BCLAF3: variants seen among roughly 807,000 people sequenced by gnomAD.
BCLAF3 encodes the protein BCLAF1 and THRAP3 family member 3.
A neutral mutation model predicts 51.2 loss-of-function variants in BCLAF3; 24 were observed. The ratio of observed to expected loss-of-function variants is 0.47; its 90% confidence interval spans 0.34 to 0.66. The LOEUF is 0.66. Among genes scored for constraint, BCLAF3 ranks in the 30% least tolerant of loss-of-function variants. The probability of loss-of-function intolerance (pLI) is 0.01; values close to 1 mark genes in which losing one functional copy is unlikely to be tolerated. For synonymous variants in BCLAF3, 152 were observed against 176.6 expected (o/e 0.86, Z 1.10); for missense variants, 465 against 525.1 (o/e 0.89, Z 1.12).
At position 19,965,468 on chromosome X, in the gene BCLAF3, T is replaced by C; in HGVS notation, c.850A>G (p.Lys284Glu). The C allele has an allele frequency of 8.3e-7, 1 of 1,211,816 alleles. No homozygotes were observed. The highest frequency in any genetic ancestry group is 1.8e-5 in the South Asian group (1 of 56,945). The change falls in exon 4 of 12, where the codon AAA becomes GAA. Residue 284 changes from lysine (K) to glutamate (E), a missense_variant. By Grantham distance (56) the Lys-to-Glu change is moderately conservative (BLOSUM62 1). Transcript: ENST00000379682. ...ATKVSYDYRH[K>E]RPKLLDGDQD... ...TCCCCATCCAAGAGCTTAGGACGTT[T>C]GTGACGATAGTCATAGGATACTTTG...
rs780063741 is a variant in BCLAF3 at position 19,949,667 on chromosome X, G to A, written c.1745+1086C>T. Among the ~76,000 whole-genome samples the A allele has an allele frequency of 1.1e-4, 12 of 112,166 alleles. No homozygotes were observed. The South Asian group carries it at 1.1e-3, about 10-fold the overall frequency. On this transcript the variant is annotated intron_variant, in intron 8 of 11. Coordinates refer to ENST00000379682, the MANE Select transcript of BCLAF3 (RefSeq NM_001367774.2). ...ATACCTCAACACATCGTTTCACTATGTTTTAATTAGTTCTGAATTTATTGT... is the reference window on the plus strand; with the variant it reads ...ATACCTCAACACATCGTTTCACTATATTTTAATTAGTTCTGAATTTATTGT...
At chrX:19,945,867 C>T (rs763146652) in intron 8 of BCLAF3, among the ~76,000 whole-genome samples, 2,649 of 105,605 alleles carry the variant, frequency 0.025, 57 homozygotes, top group African/African-American at 0.057. Flanking sequence ...GCGCCCCTCC[C>T]CCAGCCTCGC....
Position 19,916,671 on chromosome X carries a change from T to C in BCLAF3, c.*634A>G, listed in dbSNP as rs1263417507. On this transcript the variant is annotated 3_prime_UTR_variant, in exon 12 of 12. Transcript: ENST00000379682. ...CATTTTGAAATTGGAAAAGAGCAAATAGTTGTGGAAAAAAACTGAATGAAC... is the reference window on the plus strand; with the variant it reads ...CATTTTGAAATTGGAAAAGAGCAAACAGTTGTGGAAAAAAACTGAATGAAC... The C allele has an allele frequency of 8.9e-6, 1 of 112,435 alleles. No individual in the cohort carries two copies. The highest frequency in any genetic ancestry group is 9.5e-5 in the Admixed American group (1 of 10,494). 9.3% of individuals were successfully genotyped at this position (112,435 alleles called of 1,213,427 possible).
intron 4 of BCLAF3, among the ~76,000 whole-genome samples, chrX:19,963,998 T>C (rs2071953699): frequency 8.9e-6 from 1 of 111,997 alleles, no homozygotes; most frequent in Non-Finnish European, 1.9e-5. Context: ...CACTCCAGCC[T>C]GGGCAGCAGA....
intron 11 of BCLAF3, among the ~76,000 whole-genome samples, chrX:19,926,069 C>T (rs2070345265): frequency 9.0e-6 from 1 of 111,654 alleles, no homozygotes; most frequent in Admixed American, 9.6e-5. Context: ...CTTGCAGGCA[C>T]TGACAGTAGC....
Position 19,953,910 on chromosome X carries a change from G to C in BCLAF3, c.1451-18C>G. The C allele has an allele frequency of 1.7e-6, 2 of 1,199,177 alleles. No individual in the cohort carries two copies. Among genetic ancestry groups the C allele is most frequent in the Non-Finnish European group, 2.3e-6 (2 of 887,484 alleles). On this transcript the variant is annotated intron_variant, in intron 5 of 11. Coordinates refer to ENST00000379682, the MANE Select transcript of BCLAF3 (RefSeq NM_001367774.2). ...ATAATTTGCTGAAAAAGGAAATGAA[G>C]AGTTTTATCTCAATGTTAAGCTGAT...
In BCLAF3 at chrX:19,965,372, C is replaced by T. The variant is rs183177086; in HGVS notation, c.946G>A (p.Gly316Ser). The change falls in exon 4 of 12, where the codon GGC becomes AGC. Residue 316 changes from glycine (G) to serine (S), a missense_variant. By Grantham distance (56) the Gly-to-Ser change is moderately conservative. Transcript: ENST00000379682. Reference protein sequence around the residue: ...EEDRKYSFQKGPLNRELDCFN... With the variant: ...EEDRKYSFQKSPLNRELDCFN... ...CAATCTAACTCTCTATTTAGAGGGC[C>T]TTTTTGAAAACTATATTTTCTATCT... 131 of 1,209,538 alleles carry T rather than the reference C, an allele frequency of 1.1e-4. No homozygotes were observed. The African/African-American group carries it at 1.7e-3, about 16-fold the overall frequency.
intron 4 of BCLAF3, among the ~76,000 whole-genome samples, chrX:19,958,051 G>A (rs2071726353): frequency 9.0e-6 from 1 of 111,608 alleles, no homozygotes; most frequent in Non-Finnish European, 1.9e-5. Flanking sequence ...CATTTGAGAT[G>A]CATTTTAGAC....
intron 10 of BCLAF3, among the ~76,000 whole-genome samples, chrX:19,931,670 T>C (rs751975019): frequency 6.5e-4 from 73 of 112,069 alleles, no homozygotes; most frequent in African/African-American, 2.4e-3. Flanking sequence ...AGGAAAGACT[T>C]TGGTGACCCA....
chrX:19,972,658 C>T (rs909276440), intron 1 of BCLAF3, among the ~76,000 whole-genome samples: 2 of 111,439 alleles, frequency 1.8e-5, no homozygotes, highest in East Asian at 5.6e-4. Context: ...CCCACTTCTC[C>T]CCTCCCCTGC....
chrX:19,928,459 T>C (rs920226719), intron 11 of BCLAF3, among the ~76,000 whole-genome samples: 1 of 109,461 alleles, frequency 9.1e-6, no homozygotes, highest in Non-Finnish European at 1.9e-5. Context: ...GGCAGGCGCC[T>C]GTAATACCAG....
At chrX:19,987,757 G>A (rs1418557041) in intron 1 of BCLAF3, among the ~76,000 whole-genome samples, 2 of 112,325 alleles carry the variant, frequency 1.8e-5, no homozygotes, top group South Asian at 3.7e-4. Context: ...TAAGAATGAT[G>A]ACATGAGTAC....
At chrX:19,946,676 G>A (rs892109601) in intron 8 of BCLAF3, among the ~76,000 whole-genome samples, 1 of 111,334 alleles carries the variant, frequency 9.0e-6, no homozygotes, top group Admixed American at 9.6e-5. Context: ...AAAGCCCTTC[G>A]TGATTGGCCT....
At chrX:19,960,875 A>G (rs1311721446) in intron 4 of BCLAF3, among the ~76,000 whole-genome samples, 5 of 112,088 alleles carry the variant, frequency 4.5e-5, no homozygotes, top group Non-Finnish European at 9.4e-5. Context: ...GAAATAAAGG[A>G]TTAGACACAA....
chrX:19,959,563 A>C (rs1240360495), intron 4 of BCLAF3, among the ~76,000 whole-genome samples: 1 of 109,599 alleles, frequency 9.1e-6, no homozygotes, highest in Non-Finnish European at 1.9e-5. Context: ...GCTTGAGCTC[A>C]GGAGTTCAAG....
At chrX:19,980,977 T>A (rs1435729706) in intron 1 of BCLAF3, among the ~76,000 whole-genome samples, 4 of 104,537 alleles carry the variant, frequency 3.8e-5, no homozygotes, top group Admixed American at 3.1e-4. Context: ...TGTGATAGAG[T>A]TAAAAAAAGA....
In BCLAF3 at chrX:19,914,965, G is replaced by C. The variant is rs887942261; in HGVS notation, c.*2340C>G. The C allele has an allele frequency of 9.0e-6, 1 of 111,317 alleles. No individual in the cohort carries two copies. The highest frequency in any genetic ancestry group is 1.9e-5 in the Non-Finnish European group (1 of 53,115). The allele number at this position is 111,317 out of a possible 1,213,427, so 9.2% of individuals were successfully genotyped here. A position where few individuals can be genotyped will look rare whatever the true frequency, so the allele number is the denominator to read the frequency against. On this transcript the variant is annotated 3_prime_UTR_variant, in exon 12 of 12. Transcript: ENST00000379682. ...CTACATTGTGATTCTTTGTTTTTGT[G>C]AATCTCTTCTTCAGCAGTGCATGAG...
intron 8 of BCLAF3, among the ~76,000 whole-genome samples, chrX:19,947,610 C>T (rs1465276997): frequency 9.0e-6 from 1 of 111,647 alleles, no homozygotes; most frequent in Non-Finnish European, 1.9e-5. Flanking sequence ...AGAGGCTAGA[C>T]AGAACCCCCA....
At chrX:19,939,604 T>C (rs1257110977) in intron 8 of BCLAF3, among the ~76,000 whole-genome samples, 1 of 111,528 alleles carries the variant, frequency 9.0e-6, no homozygotes, top group African/African-American at 3.3e-5. Flanking sequence ...ACCAAAAAGA[T>C]GACAATACCA....
Sources: gnomAD v4.1 joint callset for allele counts (sites outside exome capture counted in the v4.1 genomes callset) on GRCh38, gnomAD v4.1.1 for gene constraint, MANE v1.5 for transcripts, NCBI Gene and HGNC (gene_info 2026-07-23, HGNC 2026-07-21) for gene names.